The following TJP2 variants were observed in gnomAD, a reference collection of about 807,000 sequenced individuals.
TJP2 encodes tight junction protein 2.
In TJP2, 91 loss-of-function variants were observed where a neutral mutation model predicts 133.1. The ratio of observed to expected loss-of-function variants is 0.68; its 90% confidence interval spans 0.58 to 0.81. The LOEUF (loss-of-function observed/expected upper bound fraction) is 0.81, where lower values mean the gene tolerates loss of function less well. Ranked by LOEUF, TJP2 falls within the 40% of genes least tolerant of loss-of-function variation. TJP2 has a pLI of 0.00. For missense variants in TJP2, 1,541 were observed against 1,565.6 expected (o/e 0.98, Z 0.26); for synonymous variants, 592 against 583.4 (o/e 1.01, Z -0.21).
Position 69,249,467 on chromosome 9 carries a change from C to G in TJP2, c.2973C>G (p.Phe991Leu). The change falls in exon 20 of 23, where the codon TTC becomes TTG. Residue 991 changes from phenylalanine to leucine, a missense_variant. Physicochemically the swap from Phe to Leu is conservative, Grantham distance 22. Transcript: ENST00000377245. ...GGGACAATAGCCCGCCCCCAGCATT[C>G]AAGCCAGAGCCGCCCAAGGTACGTG... ...QLRDNSPPPA[F>L]KPEPPKAKTQ... The G allele has an allele frequency of 6.2e-7, 1 of 1,607,292 alleles. No homozygotes were observed. The highest frequency in any genetic ancestry group is 8.5e-7 in the Non-Finnish European group (1 of 1,176,420).
intron 1 of TJP2, among the ~76,000 whole-genome samples, chr9:69,175,955 C>G (rs1825054145): frequency 6.6e-6 from 1 of 152,172 alleles, no homozygotes; most frequent in Non-Finnish European, 1.5e-5. Flanking sequence ...AGCCCCTACT[C>G]CTGCCAGTCA....
At chr9:69,215,266 T>C (rs1828269965) in intron 2 of TJP2, among the ~76,000 whole-genome samples, 1 of 152,010 alleles carries the variant, frequency 6.6e-6, no homozygotes, top group African/African-American at 2.4e-5. Context: ...AACCTCAGCA[T>C]CAGACAATAC....
intron 22 of TJP2, chr9:69,253,687 C>T (rs895396435): frequency 5.2e-5 from 10 of 191,280 alleles, no homozygotes; most frequent in African/African-American, 1.2e-4. Flanking sequence ...TCCTGACCTC[C>T]GCCCGCCTCG....
At chr9:69,136,937 A>T (rs1365021555) in intron 1 of TJP2, among the ~76,000 whole-genome samples, 1 of 152,214 alleles carries the variant, frequency 6.6e-6, no homozygotes, top group African/African-American at 2.4e-5. Context: ...GTCTCCGAGG[A>T]AGCAGCACCA....
In TJP2 at chr9:69,169,048, G is replaced by GA. The variant is rs1265179665; in HGVS notation, c.-10+17278dup. ...CCTGGAAGTGGGGGCGGGGACGGGGGAGGACACAAGGCCTTTACTGAAAAA... is the reference window on the plus strand; with the variant it reads ...CCTGGAAGTGGGGGCGGGGACGGGGGAAGGACACAAGGCCTTTACTGAAAAA... On this transcript the variant is annotated intron_variant, in intron 2 of 5. Coordinates refer to the TJP2 transcript ENST00000423935. 3.3e-5 allele frequency among the ~76,000 whole-genome samples: 5 copies of GA among 152,070 alleles called. No homozygotes were observed. The East Asian group carries it at 7.8e-4, about 24-fold the overall frequency.
At chr9:69,203,606 G>GTTTTTTTTTTT (rs1330482251) in intron 1 of TJP2, among the ~76,000 whole-genome samples, 2 of 57,584 alleles carry the variant, frequency 3.5e-5, no homozygotes, top group South Asian at 5.2e-4. Flanking sequence ...GCCCAGCCTG[G>GTTTTTTTTTTT]ATTTTTTTTT....
chr9:69,253,463 T>C (rs1831486940), intron 22 of TJP2: 1 of 156,100 alleles, frequency 6.4e-6, no homozygotes, highest in Admixed American at 6.2e-5. Context: ...GGCCATTCTT[T>C]TGTTTTTTTT....
chr9:69,187,360 C>G (rs891845812), intron 1 of TJP2, among the ~76,000 whole-genome samples: 1 of 152,200 alleles, frequency 6.6e-6, no homozygotes, highest in Non-Finnish European at 1.5e-5. Context: ...TAACATACCA[C>G]TCCAGACTGT....
In TJP2 at chr9:69,248,348, A is replaced by G. The variant is rs774210604; in HGVS notation, c.2880+124A>G. On this transcript the variant is annotated intron_variant, in intron 19 of 22. Transcript: ENST00000377245. The stretch of plus-strand genomic sequence containing the variant: ...CTAAGGGTTGGAGCAGATGACTTCC[A>G]GGGAGTCTCTCGCTTTGAGTCCACG... The G allele has an allele frequency of 1.2e-5, 18 of 1,453,596 alleles. No homozygotes were observed. In the East Asian group the frequency reaches 1.5e-4, roughly 12 times the overall value. 90.0% of individuals were successfully genotyped at this position (1,453,596 alleles called of 1,614,324 possible). A position where few individuals can be genotyped will look rare whatever the true frequency, so the allele number is the denominator to read the frequency against.
intron 1 of TJP2, chr9:69,205,041 C>G (rs1240327348): frequency 2.8e-6 from 4 of 1,442,150 alleles, no homozygotes; most frequent in Non-Finnish European, 3.6e-6. Flanking sequence ...GAGATGACAA[C>G]AGGATTTGCT....
intron 21 of TJP2, 74 bp downstream of exon 21, chr9:69,251,438 C>A: frequency 6.8e-7 from 1 of 1,467,244 alleles, no homozygotes; most frequent in Non-Finnish European, 9.3e-7. Flanking sequence ...AGCGAACAGC[C>A]CCTTTGCTGC....
chr9:69,187,680 C>G (rs1825946379), intron 1 of TJP2, among the ~76,000 whole-genome samples: 1 of 152,180 alleles, frequency 6.6e-6, no homozygotes. Flanking sequence ...TCTAAACCCA[C>G]TGGCCTGGAT....
intron 1 of TJP2, among the ~76,000 whole-genome samples, chr9:69,193,000 G>T (rs2133073478): frequency 6.9e-6 from 1 of 144,280 alleles, no homozygotes; most frequent in South Asian, 2.2e-4. Flanking sequence ...CAGCTCACTT[G>T]AGCCTCCTGG....
chr9:69,149,720 C>T (rs1450147654), intron 1 of TJP2, among the ~76,000 whole-genome samples: 2 of 152,178 alleles, frequency 1.3e-5, no homozygotes, highest in African/African-American at 2.4e-5. Context: ...GAGCTTGCCT[C>T]CTTGTGGTAT....
chr9:69,238,609 C>G, intron 15 of TJP2, 101 bp from the exon 16 acceptor site: 1 of 896,832 alleles, frequency 1.1e-6, no homozygotes, highest in South Asian at 1.4e-5. Context: ...TTAGGAGACA[C>G]TTAATGTCAG....
intron 2 of TJP2, among the ~76,000 whole-genome samples, chr9:69,162,704 C>T (rs1367034164): frequency 6.6e-6 from 1 of 152,150 alleles, no homozygotes; most frequent in Non-Finnish European, 1.5e-5. Flanking sequence ...TTTGGTGTAT[C>T]CCAAGTGTAT....
At chr9:69,139,836 C>G (rs1822934077) in intron 1 of TJP2, among the ~76,000 whole-genome samples, 1 of 152,198 alleles carries the variant, frequency 6.6e-6, no homozygotes, top group Non-Finnish European at 1.5e-5. Flanking sequence ...AGCTCTGTAG[C>G]AGGACAAAGT....
intron 11 of TJP2, among the ~76,000 whole-genome samples, chr9:69,233,112 G>C (rs1438429931): frequency 6.6e-6 from 1 of 152,202 alleles, no homozygotes; most frequent in East Asian, 1.9e-4. Flanking sequence ...TCCTAATTGG[G>C]GGACAGAGAG....
chr9:69,200,164 T>G (rs940106980), intron 1 of TJP2, among the ~76,000 whole-genome samples: 9 of 152,252 alleles, frequency 5.9e-5, no homozygotes, highest in Non-Finnish European at 1.2e-4. Context: ...CCGCACTGAG[T>G]ACTCGCAATG....
Sources: allele counts gnomAD v4.1 joint callset (sites outside exome capture counted in the v4.1 genomes callset), GRCh38; gene constraint gnomAD v4.1.1; transcripts MANE v1.5; gene names NCBI Gene and HGNC (gene_info 2026-07-23, HGNC 2026-07-21).